PRRT4: variants seen among roughly 807,000 people sequenced by gnomAD.
PRRT4 encodes the protein proline rich transmembrane protein 4, also known as proline-rich transmembrane protein 4.
PRRT4 carries 59 observed loss-of-function variants against 55.6 expected under a neutral mutation model. The observed-to-expected ratio is 1.06, with a 90% CI of 0.86 to 1.32. The LOEUF (loss-of-function observed/expected upper bound fraction) is 1.32, where lower values mean the gene tolerates loss of function less well. PRRT4 is among the 40% of genes most tolerant of loss of function. PRRT4 has a pLI of 0.00. For missense variants in PRRT4, 1,217 were observed against 1,222.0 expected (o/e 1.00, Z 0.06); for synonymous variants, 606 against 601.8 (o/e 1.01, Z -0.10).
downstream of PRRT4, chr7:128,350,786 A>G: frequency 1.3e-6 from 2 of 1,524,010 alleles, no homozygotes; most frequent in East Asian, 4.9e-5. Flanking sequence ...GAAGGATTAC[A>G]GTGTGCAGGT....
chr7:128,352,050 G>C, exon 5 of PRRT4: 1 of 1,252,822 alleles, frequency 8.0e-7, no homozygotes, highest in Non-Finnish European at 1.0e-6. Context: ...CGAGAAAGGC[G>C]TGCAGCCCGC....
At chr7:128,351,630 C>T in exon 5 of PRRT4, 1 of 1,513,904 alleles carries the variant, frequency 6.6e-7, no homozygotes, top group Non-Finnish European at 8.8e-7. Flanking sequence ...CCGCGTGGCC[C>T]GGGGACAAGC....
Position 128,358,787 on chromosome 7 carries a change from G to C in PRRT4, c.771C>G (p.Thr257=). 1 of 1,545,486 alleles carries C rather than the reference G, an allele frequency of 6.5e-7. No homozygotes were observed. Residue 257 remains threonine, a synonymous_variant, in exon 4 of 5, where the codon ACC becomes ACG. Transcript: ENST00000535159. The surrounding 1 kb of genome is among the most constrained non-coding windows in gnomAD (Gnocchi z 4.4). ...GGGAGTATGGGGGCAGGGACAGAGT[G>C]GTACCAAGGAACCCTGCAAAGGGAG... is the stretch of plus-strand genomic sequence containing the variant.
At chr7:128,352,374 G>C in exon 5 of PRRT4, 1 of 1,524,936 alleles carries the variant, frequency 6.6e-7, no homozygotes, top group Non-Finnish European at 8.8e-7. Flanking sequence ...AGGGGGCGCC[G>C]GGCGGGCACC....
At chr7:128,360,101 C>T (rs1007358041) in intron 1 of PRRT4, 38 bp from the exon 3 acceptor site, 155 of 838,136 alleles carry the variant, frequency 1.8e-4, no homozygotes, top group Non-Finnish European at 5.6e-5. Context: ...CTGGCTGTGG[C>T]CCCCCTCTTC....
chr7:128,352,140 G>A (rs1796997887), exon 5 of PRRT4: 10 of 1,321,594 alleles, frequency 7.6e-6, no homozygotes, highest in Admixed American at 8.5e-5. Flanking sequence ...CCAGCCCCAG[G>A]AGCAGCAGCG....
In PRRT4 at chr7:128,351,929, GC is replaced by G; in HGVS notation, c.1626del (p.Gln543ArgfsTer28). 1 of 1,295,240 alleles carries G rather than the reference GC, an allele frequency of 7.7e-7. No individual in the cohort carries two copies. Among genetic ancestry groups the G allele is most frequent in the Non-Finnish European group, 9.7e-7 (1 of 1,026,490 alleles). 80.2% of individuals were successfully genotyped at this position (1,295,240 alleles called of 1,614,324 possible). On this transcript the variant is annotated frameshift_variant, in exon 5 of 5. Coordinates refer to ENST00000535159, the Ensembl canonical transcript of PRRT4. LOFTEE classifies it high-confidence loss of function. ...CGAGGGGCGAAGGGGCTGCGCCCCT[GC>G]GGCAGGGGTGTGGCGCCCTTGAAGC...
chr7:128,350,620 C>A (rs372425338), downstream of PRRT4: 20 of 622,112 alleles, frequency 3.2e-5, 1 homozygote, highest in East Asian at 1.8e-4. Flanking sequence ...GGGACCCCTG[C>A]CAACCTAGAT....
chr7:128,353,563 C>T (rs1797047085), intron 4 of PRRT4, among the ~76,000 whole-genome samples: 1 of 152,156 alleles, frequency 6.6e-6, no homozygotes, highest in Admixed American at 6.5e-5. Flanking sequence ...CTGCCTGCTA[C>T]ACCCCAACCC....
exon 5 of PRRT4, chr7:128,352,252 A>T: frequency 2.6e-6 from 4 of 1,542,070 alleles, no homozygotes; most frequent in Non-Finnish European, 3.5e-6. Flanking sequence ...GTCCTGCAGC[A>T]GCAGCCAGGC....
chr7:128,354,321 T>C (rs572727516), intron 4 of PRRT4, among the ~76,000 whole-genome samples: 21 of 152,252 alleles, frequency 1.4e-4, no homozygotes, highest in Admixed American at 1.2e-3. Flanking sequence ...CCCAGCACTT[T>C]GGGAGGCCGT....
exon 3 of PRRT4, chr7:128,359,182 T>C (rs1228170782): frequency 3.9e-6 from 6 of 1,551,726 alleles, no homozygotes; most frequent in Non-Finnish European, 4.4e-6. Context: ...GCAGAGCTTG[T>C]GGATGTAGTT....
At chr7:128,360,611 G>T (rs922901763) in intron 1 of PRRT4, among the ~76,000 whole-genome samples, 2 of 152,056 alleles carry the variant, frequency 1.3e-5, no homozygotes, top group Admixed American at 1.3e-4. Flanking sequence ...TCAGAAGGCC[G>T]CCCAGGCTCT....
chr7:128,359,670 T>G, exon 2 of PRRT4: 1 of 1,550,976 alleles, frequency 6.4e-7, no homozygotes, highest in Non-Finnish European at 8.7e-7. Context: ...GTGAGAGAGT[T>G]CCCTGAGGAG....
At chr7:128,357,709 A>T (rs1457458329) in intron 4 of PRRT4, among the ~76,000 whole-genome samples, 2 of 152,176 alleles carry the variant, frequency 1.3e-5, no homozygotes, top group African/African-American at 4.8e-5. Flanking sequence ...GAGCCTAGTG[A>T]GGGGTGACTG....
At chr7:128,360,819 AC>A (rs1797231951) in intron 1 of PRRT4, among the ~76,000 whole-genome samples, 1 of 150,240 alleles carries the variant, frequency 6.7e-6, no homozygotes, top group African/African-American at 2.5e-5. Context: ...GCGGACTCCT[AC>A]CCCCTCCCCA....
At position 128,358,826 on chromosome 7, in the gene PRRT4, A is replaced by C. The variant is rs1797171004; in HGVS notation, c.758-26T>G. The C allele has an allele frequency of 6.6e-7, 1 of 1,506,150 alleles. No individual in the cohort carries two copies. Among genetic ancestry groups the C allele is most frequent in the Non-Finnish European group, 8.9e-7 (1 of 1,129,208 alleles). The allele number at this position is 1,506,150 out of a possible 1,614,324, so 93.3% of individuals were successfully genotyped here. On this transcript the variant is annotated intron_variant, in intron 3 of 4. Transcript: ENST00000535159. The surrounding 1 kb of genome is among the most constrained non-coding windows in gnomAD (Gnocchi z 4.4). ...CTGCAAAGGGAGCACATGGGGCTCA[A>C]GTGCCACCCCACCAACCAGCCTTGC... is the stretch of plus-strand genomic sequence containing the variant.
chr7:128,350,566 T>G, downstream of PRRT4: 1 of 436,662 alleles, frequency 2.3e-6, no homozygotes, highest in East Asian at 4.6e-5. Flanking sequence ...TGGTCAGGAG[T>G]GGAGCACCTT....
chr7:128,361,896 G>A (rs1797267761), upstream of PRRT4, among the ~76,000 whole-genome samples: 1 of 152,136 alleles, frequency 6.6e-6, no homozygotes, highest in African/African-American at 2.4e-5. Flanking sequence ...GCCGCGGCGG[G>A]CGCCTCGCTG....
Sources: allele counts gnomAD v4.1 joint callset (sites outside exome capture counted in the v4.1 genomes callset), GRCh38; gene constraint gnomAD v4.1.1; non-coding constraint Gnocchi (gnomAD v3.1); transcripts MANE v1.5; gene names NCBI Gene and HGNC (gene_info 2026-07-23, HGNC 2026-07-21).